The following NEGR1 variants were observed in gnomAD, a reference collection of about 807,000 sequenced individuals.
NEGR1 encodes IgLON family member 4.
NEGR1 carries 10 observed loss-of-function variants against 40.9 expected under a neutral mutation model. That is an observed-to-expected ratio of 0.24 (90% CI 0.15 to 0.42). The LOEUF is 0.42. NEGR1 is among the 10% of genes least tolerant of loss of function. NEGR1 has a pLI of 1.00. For missense variants in NEGR1, 352 were observed against 438.9 expected (o/e 0.80, Z 1.77); for synonymous variants, 185 against 166.8 (o/e 1.11, Z -0.84).
rs567192956 is a variant in NEGR1 at position 71,943,131 on chromosome 1, A to G, written c.177-7820T>C. On this transcript the variant is annotated intron_variant, in intron 1 of 6. Coordinates refer to ENST00000357731, the MANE Select transcript of NEGR1 (RefSeq NM_173808.3). ...ATATTTATAAACTATACATATGTGT[A>G]TGTGTGTGTATATATATATAAAACA... Among the ~76,000 whole-genome samples the G allele has an allele frequency of 1.4e-5, 2 of 144,596 alleles. 1 individual carries two copies. Among genetic ancestry groups the G allele is most frequent in the South Asian group, 4.4e-4 (2 of 4,568 alleles). The allele number at this position is 144,596 out of a possible 152,430, so 94.9% of individuals were successfully genotyped here.
chr1:72,004,081 T>C (rs955214231), intron 1 of NEGR1, among the ~76,000 whole-genome samples: 7 of 152,032 alleles, frequency 4.6e-5, no homozygotes, highest in South Asian at 2.1e-4. Context: ...ATGGGGGCAA[T>C]TGAACTTCCC....
intron 2 of NEGR1, among the ~76,000 whole-genome samples, chr1:71,789,637 T>C (rs554281531): frequency 3.9e-5 from 6 of 152,244 alleles, no homozygotes; most frequent in African/African-American, 1.4e-4. Context: ...AAAAATATCA[T>C]GTATTTTTAC....
intron 4 of NEGR1, among the ~76,000 whole-genome samples, chr1:71,662,462 A>T (rs72677189): frequency 0.017 from 2,584 of 152,270 alleles, 32 homozygotes; most frequent in Non-Finnish European, 0.027. Flanking sequence ...ATATTCAGGC[A>T]TTATCACACC....
rs138754045 is a variant in NEGR1, at chr1:71,874,247, C to A, written c.409+60832G>T. ...AGATGACATTAATTTGCACTTAGTA[C>A]CTTTTATCTAAGGATCTCAAAGCAC... On this transcript the variant is annotated intron_variant, in intron 2 of 6. Transcript: ENST00000357731. 2.2e-3 allele frequency among the ~76,000 whole-genome samples: 328 copies of A among 152,172 alleles called. 1 individual carries two copies. Among genetic ancestry groups the A allele is most frequent in the African/African-American group, 7.3e-3 (301 of 41,508 alleles).
At chr1:71,861,697 A>C (rs1659952379) in intron 2 of NEGR1, among the ~76,000 whole-genome samples, 1 of 152,104 alleles carries the variant, frequency 6.6e-6, no homozygotes, top group Non-Finnish European at 1.5e-5. Flanking sequence ...AATGAAATTA[A>C]TTTTGGATTA....
chr1:71,950,554 A>C (rs918294267), intron 1 of NEGR1, among the ~76,000 whole-genome samples: 1 of 152,082 alleles, frequency 6.6e-6, no homozygotes, highest in Middle Eastern at 3.4e-3. Flanking sequence ...TCTCTACCTT[A>C]GCCATTAATC....
chr1:71,979,268 T>C (rs1646334486), intron 1 of NEGR1, among the ~76,000 whole-genome samples: 1 of 152,132 alleles, frequency 6.6e-6, no homozygotes, highest in Non-Finnish European at 1.5e-5. Context: ...CTAGGCTTAG[T>C]ACCTGGGTGA....
intron 2 of NEGR1, among the ~76,000 whole-genome samples, chr1:71,865,496 A>G (rs1269217432): frequency 6.6e-6 from 1 of 152,174 alleles, no homozygotes; most frequent in African/African-American, 2.4e-5. Context: ...CAGAAAACCA[A>G]ACACCGCCTG....
intron 2 of NEGR1, among the ~76,000 whole-genome samples, chr1:71,810,534 C>A (rs1470933540): frequency 6.6e-6 from 1 of 152,032 alleles, no homozygotes; most frequent in South Asian, 2.1e-4. Context: ...ACTGAAAGAG[C>A]AATATTGTTT....
rs570190502 is a variant in NEGR1 at position 71,718,950 on chromosome 1, A to G, written c.536-20811T>C. Among the ~76,000 whole-genome samples, 34 of 152,316 alleles carry G rather than the reference A, an allele frequency of 2.2e-4. 1 individual carries two copies. The South Asian group carries it at 5.8e-3, about 26-fold the overall frequency. On this transcript the variant is annotated intron_variant, in intron 3 of 6. Transcript: ENST00000357731. ...CCAAGTCTAAAGAAAAATAATATCC[A>G]TAAGGTTTTCTGTTGTGAGCAAAAA...
At chr1:71,786,849 G>GAAAAC (rs560141576) in intron 2 of NEGR1, among the ~76,000 whole-genome samples, 69 of 152,268 alleles carry the variant, frequency 4.5e-4, no homozygotes, top group African/African-American at 1.1e-3. Flanking sequence ...TCCAAACTGG[G>GAAAAC]AAAACAAAAC....
In NEGR1 at chr1:71,870,272, T is replaced by C. The variant is rs148530812; in HGVS notation, c.409+64807A>G. The stretch of plus-strand genomic sequence containing the variant: ...ACTTGCTTTAAACATTTTCAGATAT[T>C]AGAATGTAGTATTGACAAAGACCTG... On this transcript the variant is annotated intron_variant, in intron 2 of 6. Coordinates refer to ENST00000357731, the MANE Select transcript of NEGR1 (RefSeq NM_173808.3). Among the ~76,000 whole-genome samples the C allele has an allele frequency of 5.3e-3, 813 of 152,304 alleles. 10 individuals are homozygous for C. The highest frequency in any genetic ancestry group is 0.019 in the African/African-American group (779 of 41,558).
chr1:71,568,829 C>CATGTGTGTGTGT (rs750483779), intron 6 of NEGR1, among the ~76,000 whole-genome samples: 29 of 147,586 alleles, frequency 2.0e-4, no homozygotes, highest in African/African-American at 6.9e-4. Context: ...TATATGTATA[C>CATGTGTGTGTGT]GTGTGTGTGT....
intron 1 of NEGR1, among the ~76,000 whole-genome samples, chr1:71,953,948 G>T (rs3845342): frequency 2.0e-5 from 3 of 151,472 alleles, no homozygotes; most frequent in African/African-American, 4.9e-5. Context: ...CCACTTTATC[G>T]CAGTGGTCTG....
intron 1 of NEGR1, among the ~76,000 whole-genome samples, chr1:72,097,857 G>A (rs1173825453): frequency 6.6e-6 from 1 of 152,128 alleles, no homozygotes; most frequent in Non-Finnish European, 1.5e-5. Context: ...AGATCTCTGG[G>A]ATCATTAAAA....
intron 1 of NEGR1, among the ~76,000 whole-genome samples, chr1:71,966,441 C>T (rs1439069333): frequency 6.6e-6 from 1 of 152,136 alleles, no homozygotes; most frequent in Non-Finnish European, 1.5e-5. Flanking sequence ...TTCAACCACA[C>T]CGGATAGAGT....
chr1:71,408,778 A>G (rs141065825), intron 6 of NEGR1: 1 of 152,198 alleles, frequency 6.6e-6, no homozygotes, highest in African/African-American at 2.4e-5. Flanking sequence ...AATGTAGTAA[A>G]GAAATCGACT....
chr1:72,031,623 T>C (rs748828515), intron 1 of NEGR1, among the ~76,000 whole-genome samples: 59 of 152,122 alleles, frequency 3.9e-4, no homozygotes, highest in Non-Finnish European at 8.4e-4. Flanking sequence ...ATTTTATAGA[T>C]GGGAAGAGGT....
chr1:72,089,927 A>C (rs1277348711), intron 1 of NEGR1, among the ~76,000 whole-genome samples: 2 of 152,152 alleles, frequency 1.3e-5, no homozygotes, highest in Non-Finnish European at 2.9e-5. Flanking sequence ...TAAATAGAAA[A>C]ATGATTATAT....
Sources: gnomAD v4.1 joint callset for allele counts (sites outside exome capture counted in the v4.1 genomes callset) on GRCh38, gnomAD v4.1.1 for gene constraint, MANE v1.5 for transcripts, NCBI Gene and HGNC (gene_info 2026-07-23, HGNC 2026-07-21) for gene names.